CRISPLD2: variants seen among roughly 807,000 people sequenced by gnomAD.
CRISPLD2 encodes cysteine rich secretory protein LCCL domain containing 2.
Under a neutral mutation model 71.1 loss-of-function variants are expected in CRISPLD2, and 47 were observed. That is an observed-to-expected ratio of 0.66 (90% CI 0.52 to 0.84). The LOEUF (loss-of-function observed/expected upper bound fraction) is 0.84. CRISPLD2 is among the 40% of genes least tolerant of loss of function. The pLI, the probability that CRISPLD2 is intolerant of heterozygous loss-of-function variation, is 0.00. For synonymous variants in CRISPLD2, 317 were observed against 250.1 expected (o/e 1.27, Z -2.52); for missense variants, 830 against 651.1 (o/e 1.27, Z -2.99).
At position 84,889,286 on chromosome 16, in the gene CRISPLD2, G is replaced by A. The variant is rs753903579; in HGVS notation, c.1362G>A (p.Gly454=). ...CGGGAGTCATCAGCAACGAGAGTGG[G>A]GGTGACGTGGACGTGATGCCCGTGG... is the stretch of plus-strand genomic sequence containing the variant. ...VHAGVISNES[G]GDVDVMPVDK... is the part of the protein sequence containing the mutation. Residue 454 remains glycine, a synonymous_variant, in exon 14 of 15, where the codon GGG becomes GGA. Coordinates refer to ENST00000262424, the MANE Select transcript of CRISPLD2 (RefSeq NM_031476.4). 1.2e-6 allele frequency: 2 copies of A among 1,614,134 alleles called. No homozygotes were observed. The highest frequency in any genetic ancestry group is 3.3e-5 in the Admixed American group (2 of 60,006).
chr16:84,901,030 C>T (rs1231025877), intron 14 of CRISPLD2, among the ~76,000 whole-genome samples: 3 of 150,424 alleles, frequency 2.0e-5, no homozygotes, highest in African/African-American at 7.4e-5. Flanking sequence ...CACACACACA[C>T]ACACACACAC....
In CRISPLD2 at chr16:84,838,403, A is replaced by G. The variant is rs1916678958; in HGVS notation, c.-74-19A>G. 6.7e-7 allele frequency: 1 copy of G among 1,494,736 alleles called. No individual in the cohort carries two copies. 92.6% of individuals were successfully genotyped at this position (1,494,736 alleles called of 1,614,324 possible). ...TCCTACTAATGCGACTTCTCCCACC[A>G]CCCTCTGCTTCCTTTCAGAGCTCAA... is the stretch of plus-strand genomic sequence containing the variant. On this transcript the variant is annotated intron_variant, in intron 1 of 14. Coordinates refer to ENST00000262424, the MANE Select transcript of CRISPLD2 (RefSeq NM_031476.4).
At position 84,888,550 on chromosome 16, in the gene CRISPLD2, G is replaced by A. The variant is rs139263629; in HGVS notation, c.1306-680G>A. The stretch of plus-strand genomic sequence containing the variant: ...TGCGAGGTACCCAGCTGCTCCCTTG[G>A]TACCTAGAATAGTCCAGACGCCACC... On this transcript the variant is annotated intron_variant, in intron 13 of 14. Coordinates refer to ENST00000262424, the MANE Select transcript of CRISPLD2 (RefSeq NM_031476.4). Among the ~76,000 whole-genome samples the A allele has an allele frequency of 1.0e-3, 154 of 152,220 alleles. 1 individual carries two copies. In the South Asian group the frequency reaches 0.012, roughly 12 times the overall value.
chr16:84,849,330 C>G (rs1241406006), intron 3 of CRISPLD2, 55 bp from the exon 4 acceptor site: 5 of 1,542,332 alleles, frequency 3.2e-6, no homozygotes, highest in East Asian at 4.6e-5. Context: ...GCTGCTGTCT[C>G]CACTGGTGGG....
intron 14 of CRISPLD2, among the ~76,000 whole-genome samples, chr16:84,903,671 G>T (rs1466703040): frequency 6.6e-6 from 1 of 152,160 alleles, no homozygotes; most frequent in Admixed American, 6.5e-5. Context: ...TGTAGGGATG[G>T]AGACTCGCGT....
intron 2 of CRISPLD2, among the ~76,000 whole-genome samples, chr16:84,844,523 C>T (rs979917117): frequency 2.7e-4 from 41 of 151,878 alleles, no homozygotes; most frequent in African/African-American, 9.4e-4. Flanking sequence ...TGTCCAGGCC[C>T]GGCTAATTTT....
chr16:84,847,568 T>G lies in CRISPLD2; in HGVS notation c.359+1664T>G, dbSNP rs556702188. On this transcript the variant is annotated intron_variant, in intron 3 of 14. Transcript: ENST00000262424. ...TGGGAGGCTGAGGCAGGAGAATCGC[T>G]TGAACCCTGGAGGCGGAGGCTGCAG... Among the ~76,000 whole-genome samples the G allele has an allele frequency of 1.2e-4, 18 of 152,122 alleles. No individual in the cohort carries two copies. The East Asian group carries it at 3.5e-3, about 29-fold the overall frequency.
chr16:84,866,861 G>A, intron 6 of CRISPLD2, 36 bp from the exon 7 acceptor site: 3 of 1,596,968 alleles, frequency 1.9e-6, no homozygotes, highest in Non-Finnish European at 2.6e-6. Context: ...TTGAATCCCA[G>A]TGTGTTATTT....
In CRISPLD2 at chr16:84,831,823, C is replaced by T. The variant is rs1159220598; in HGVS notation, c.-74-6599C>T. Among the ~76,000 whole-genome samples, 6 of 152,236 alleles carry T rather than the reference C, an allele frequency of 3.9e-5. No individual in the cohort carries two copies. The East Asian group carries it at 7.7e-4, about 20-fold the overall frequency. ...GATCTCGGCTCACTGCAACCTCCAC[C>T]TCCCAGATTCAAGTGATTTTCCTGC... is the stretch of plus-strand genomic sequence containing the variant. On this transcript the variant is annotated intron_variant, in intron 1 of 14. Transcript: ENST00000262424.
intron 13 of CRISPLD2, among the ~76,000 whole-genome samples, chr16:84,887,813 T>G (rs1013630334): frequency 6.6e-6 from 1 of 151,706 alleles, no homozygotes; most frequent in Non-Finnish European, 1.5e-5. Flanking sequence ...GAGACAGAGG[T>G]TGCGATAAGC....
intron 2 of CRISPLD2, among the ~76,000 whole-genome samples, chr16:84,844,761 A>G (rs993998139): frequency 2.0e-4 from 30 of 152,066 alleles, no homozygotes; most frequent in Admixed American, 7.9e-4. Flanking sequence ...TGAGAGTCTA[A>G]AATCCCCTGC....
chr16:84,823,171 T>C (rs1916269694), intron 1 of CRISPLD2, among the ~76,000 whole-genome samples: 1 of 152,276 alleles, frequency 6.6e-6, no homozygotes, highest in Non-Finnish European at 1.5e-5. Flanking sequence ...TCATCCATGT[T>C]GTAATGTGTA....
chr16:84,878,255 G>C (rs761670211), intron 12 of CRISPLD2, among the ~76,000 whole-genome samples: 1 of 141,176 alleles, frequency 7.1e-6, no homozygotes, highest in Non-Finnish European at 1.5e-5. Flanking sequence ...ATGTGTTTTG[G>C]CCAAGGTATA....
At chr16:84,845,989 A>G (rs2143199364) in intron 3 of CRISPLD2, 85 bp downstream of exon 3, 3 of 832,852 alleles carry the variant, frequency 3.6e-6, no homozygotes, top group Non-Finnish European at 5.8e-6. Flanking sequence ...TATCAAGTTT[A>G]GCCTGCAAAG....
intron 6 of CRISPLD2, among the ~76,000 whole-genome samples, chr16:84,865,982 A>C (rs536299855): frequency 1.6e-4 from 25 of 152,346 alleles, no homozygotes; most frequent in Non-Finnish European, 2.5e-4. Flanking sequence ...TGAGTCTGAC[A>C]TTATTGGACA....
In CRISPLD2 at chr16:84,877,451, C is replaced by A; in HGVS notation, c.1170C>A (p.Asp390Glu). Residue 390 changes from aspartate to glutamate, a missense_variant, in exon 12 of 15, where the codon GAC becomes GAA. Physicochemically the swap from Asp to Glu is conservative, Grantham distance 45. Transcript: ENST00000262424. ...MVSKVKVQDLDCYTTVAQLCP... is the reference protein window; with the variant it reads ...MVSKVKVQDLECYTTVAQLCP... ...TCCTGTTCACAGTGCAGGATTTGGACTGCTACACGACCGTTGCTCAGCTGT... is the reference window on the plus strand; with the variant it reads ...TCCTGTTCACAGTGCAGGATTTGGAATGCTACACGACCGTTGCTCAGCTGT... 3 of 1,613,866 alleles carry A rather than the reference C, an allele frequency of 1.9e-6. No homozygotes were observed. The highest frequency in any genetic ancestry group is 2.2e-5 in the South Asian group (2 of 91,082).
chr16:84,869,014 C>A (rs1028736129), intron 8 of CRISPLD2, 103 bp downstream of exon 8: 1 of 1,000,362 alleles, frequency 1.0e-6, no homozygotes. Flanking sequence ...CCTGCTGTTG[C>A]ATATTTAGCA....
chr16:84,838,346 C>T (rs569773761), intron 1 of CRISPLD2, 76 bp from the exon 2 acceptor site: 29 of 892,344 alleles, frequency 3.2e-5, no homozygotes, highest in Middle Eastern at 3.5e-4. Flanking sequence ...GTGTGTGCTG[C>T]GTTCGCTGCT....
chr16:84,875,426 T>TTTTTTTTTTTTTTTTTTC, intron 11 of CRISPLD2, among the ~76,000 whole-genome samples: 1 of 150,466 alleles, frequency 6.6e-6, no homozygotes, highest in African/African-American at 2.5e-5. Context: ...TTTTTTTTTT[T>TTTTTTTTTTTTTTTTTTC]TTTTTTTTTT....
Sources: allele counts gnomAD v4.1 joint callset (sites outside exome capture counted in the v4.1 genomes callset), GRCh38; gene constraint gnomAD v4.1.1; transcripts MANE v1.5; gene names NCBI Gene and HGNC (gene_info 2026-07-23, HGNC 2026-07-21).